The following PRC1 variants were observed in gnomAD, a reference collection of about 807,000 sequenced individuals.
PRC1 encodes the protein anaphase spindle elongation 1 homolog.
A neutral mutation model predicts 91.2 loss-of-function variants in PRC1; 54 were observed. The observed-to-expected ratio is 0.59, with a 90% CI of 0.48 to 0.74. PRC1 has a LOEUF of 0.74. Among genes scored for constraint, PRC1 ranks in the 30% least tolerant of loss-of-function variants. The pLI, the probability that PRC1 is intolerant of heterozygous loss-of-function variation, is 0.00. For synonymous variants in PRC1, 275 were observed against 263.6 expected (o/e 1.04, Z -0.42); for missense variants, 727 against 746.2 (o/e 0.97, Z 0.30).
chr15:90,974,872 G>C lies in PRC1; in HGVS notation c.1204-141C>G, dbSNP rs1396024943. 1 of 944,662 alleles carries C rather than the reference G, an allele frequency of 1.1e-6. No homozygotes were observed. The allele number at this position is 944,662 out of a possible 1,614,324, so 58.5% of individuals were successfully genotyped here. On this transcript the variant is annotated intron_variant, in intron 9 of 14. Coordinates refer to ENST00000394249, the MANE Select transcript of PRC1 (RefSeq NM_003981.4). The surrounding 1 kb of genome is among the most constrained non-coding windows in gnomAD (Gnocchi z 4.6). Reference sequence around the variant, plus strand: ...AGGTAGCTGGGCCCACATGGGTACAGGTCAGAGTGACCAGAAATCAAAGCC... The same window carrying C: ...AGGTAGCTGGGCCCACATGGGTACACGTCAGAGTGACCAGAAATCAAAGCC...
chr15:90,978,088 C>T lies in PRC1; in HGVS notation c.1107+1070G>A, dbSNP rs942642015. ...AGCTCTAACAGGGCCAGCATGAACCCGAGAACAAGGTCTCCTTCCATCTGT... is the reference window on the plus strand; with the variant it reads ...AGCTCTAACAGGGCCAGCATGAACCTGAGAACAAGGTCTCCTTCCATCTGT... On this transcript the variant is annotated intron_variant, in intron 8 of 14. Coordinates refer to ENST00000394249, the MANE Select transcript of PRC1 (RefSeq NM_003981.4). 2.5e-4 allele frequency among the ~76,000 whole-genome samples: 38 copies of T among 152,290 alleles called. 1 individual carries two copies. Among genetic ancestry groups the T allele is most frequent in the Non-Finnish European group, 5.0e-4 (34 of 68,018 alleles).
intron 9 of PRC1, among the ~76,000 whole-genome samples, chr15:90,975,193 C>A (rs968072415): frequency 2.0e-5 from 3 of 152,196 alleles, no homozygotes; most frequent in African/African-American, 7.2e-5. Flanking sequence ...GCAACCTCCA[C>A]CTCCCGGGTT....
chr15:90,981,645 T>C lies in PRC1; in HGVS notation c.526A>G (p.Ser176Gly). ...CACAGTATGATCTGTCTCTTTATAC[T>C]GACAAACTCCTCACGCCTAGAAGCC... is the stretch of plus-strand genomic sequence containing the variant. ...TKASRREEFV[S>G]IKRQIILCME... Residue 176 changes from serine to glycine, a missense_variant, in exon 5 of 15, where the codon AGT becomes GGT. Transcript: ENST00000394249. 1 of 1,614,038 alleles carries C rather than the reference T, an allele frequency of 6.2e-7. No individual in the cohort carries two copies. Among genetic ancestry groups the C allele is most frequent in the South Asian group, 1.1e-5 (1 of 91,078 alleles).
chr15:90,987,474 C>T (rs901765238), intron 1 of PRC1, among the ~76,000 whole-genome samples: 5 of 152,066 alleles, frequency 3.3e-5, no homozygotes, highest in Non-Finnish European at 2.9e-5. Context: ...TCTTCAATTA[C>T]CAAAAGCTTA....
At chr15:90,970,673 G>C (rs573414529) in intron 11 of PRC1, among the ~76,000 whole-genome samples, 159 bp from the exon 12 acceptor site, 1 of 152,336 alleles carries the variant, frequency 6.6e-6, no homozygotes, top group Non-Finnish European at 1.5e-5. Context: ...GCATAGATTT[G>C]AAGTAACTTG....
At position 90,966,898 on chromosome 15, in the gene PRC1, C is replaced by G; in HGVS notation, c.*233G>C. 1.8e-6 allele frequency: 1 copy of G among 564,410 alleles called. No individual in the cohort carries two copies. Among genetic ancestry groups the G allele is most frequent in the Non-Finnish European group, 3.2e-6 (1 of 315,708 alleles). The allele number at this position is 564,410 out of a possible 1,614,324, so 35.0% of individuals were successfully genotyped here. ...GCCCCATATGCTAAAATTTGCACTT[C>G]TTGCCATAAACTTTTCATGTATATA... On this transcript the variant is annotated 3_prime_UTR_variant, in exon 15 of 15. Transcript: ENST00000394249.
intron 8 of PRC1, 80 bp downstream of exon 8, chr15:90,979,078 C>G (rs2038976900): frequency 2.0e-6 from 3 of 1,473,234 alleles, no homozygotes; most frequent in Admixed American, 2.2e-5. Flanking sequence ...AAAAGCCTGG[C>G]AAAGAACAAA....
chr15:90,984,151 G>A lies in PRC1; in HGVS notation c.145-11C>T. 1 of 1,613,786 alleles carries A rather than the reference G, an allele frequency of 6.2e-7. No individual in the cohort carries two copies. Among genetic ancestry groups the A allele is most frequent in the Non-Finnish European group, 8.5e-7 (1 of 1,179,870 alleles). Reference sequence around the variant, plus strand: ...CATATCCAGGAGTTCCTACAAGAGGGAAAACAGTCCATAAGTTTGGGGCAA... The same window carrying A: ...CATATCCAGGAGTTCCTACAAGAGGAAAAACAGTCCATAAGTTTGGGGCAA... On this transcript the variant is annotated splice_polypyrimidine_tract_variant and intron_variant, in intron 2 of 14. Transcript: ENST00000394249. This position sits in a 1 kb window ranked among gnomAD's most constrained non-coding sequence, Gnocchi z 5.1.
In PRC1 at chr15:90,974,931, G is replaced by A. The variant is rs2038541815; in HGVS notation, c.1204-200C>T. On this transcript the variant is annotated intron_variant, in intron 9 of 14. Transcript: ENST00000394249. This position sits in a 1 kb window ranked among gnomAD's most constrained non-coding sequence, Gnocchi z 4.6. ...TTTCATTCACACAACACACAAGAGT[G>A]GAAAATGGCAAGAACCCAAAGTTTG... Among the ~76,000 whole-genome samples the A allele has an allele frequency of 6.6e-6, 1 of 152,154 alleles. No homozygotes were observed. Among genetic ancestry groups the A allele is most frequent in the Admixed American group, 6.6e-5 (1 of 15,264 alleles).
At position 90,974,705 on chromosome 15, in the gene PRC1, A is replaced by C; in HGVS notation, c.1230T>G (p.Ile410Met). ...PKLEEELKARIELWEQEHSKA... is the reference protein window; with the variant it reads ...PKLEEELKARMELWEQEHSKA... ...TTGAATGTTCCTGTTCCCACAATTC[A>C]ATTCGTGCCTTCAACTCTTCTTCCA... The change falls in exon 10 of 15, where the codon ATT (isoleucine) becomes ATG (methionine). Residue 410 changes from isoleucine (I) to methionine (M), a missense_variant. Coordinates refer to ENST00000394249, the MANE Select transcript of PRC1 (RefSeq NM_003981.4). This position sits in a 1 kb window ranked among gnomAD's most constrained non-coding sequence, Gnocchi z 4.6. 1.2e-6 allele frequency: 2 copies of C among 1,614,200 alleles called. No individual in the cohort carries two copies. The highest frequency in any genetic ancestry group is 1.7e-6 in the Non-Finnish European group (2 of 1,180,034).
chr15:90,983,106 G>A (rs2039332804), intron 3 of PRC1, among the ~76,000 whole-genome samples: 1 of 152,150 alleles, frequency 6.6e-6, no homozygotes, highest in Admixed American at 6.5e-5. Flanking sequence ...GAGAAACTAT[G>A]TCCAAAATCA....
chr15:90,974,572 C>G lies in PRC1; in HGVS notation c.1350+13G>C, dbSNP rs771516851. On this transcript the variant is annotated intron_variant, in intron 10 of 14. Transcript: ENST00000394249. The surrounding 1 kb of genome is among the most constrained non-coding windows in gnomAD (Gnocchi z 4.6). ...TTCGTCTTTTCCCAATTTGCGTTCA[C>G]GTTCACACTTACTCTTTCCTGCTTG... 6.2e-7 allele frequency: 1 copy of G among 1,614,084 alleles called. No homozygotes were observed. Among genetic ancestry groups the G allele is most frequent in the Admixed American group, 1.7e-5 (1 of 60,022 alleles).
At chr15:90,976,929 C>A (rs12595029) in intron 8 of PRC1, among the ~76,000 whole-genome samples, 158 bp from the exon 9 acceptor site, 1 of 151,858 alleles carries the variant, frequency 6.6e-6, no homozygotes, top group East Asian at 1.9e-4. Context: ...TCGACAGTTC[C>A]AGACCAACCT....
In PRC1 at chr15:90,984,766, TC is replaced by T. The variant is rs1463465300; in HGVS notation, c.70del (p.Glu24LysfsTer5). ...CLQKALNHLR[E>X]IWELIGIPED... The stretch of plus-strand genomic sequence containing the variant: ...TGGAATCCCAATTAGCTCCCATATT[TC>T]CCGAAGGTGATTTAGGGCTTTCTGC... On this transcript the variant is annotated frameshift_variant, in exon 2 of 15. Transcript: ENST00000394249. LOFTEE classifies it high-confidence loss of function. This position sits in a 1 kb window ranked among gnomAD's most constrained non-coding sequence, Gnocchi z 5.1. 12 of 1,614,088 alleles carry T rather than the reference TC, an allele frequency of 7.4e-6. No individual in the cohort carries two copies. The highest frequency in any genetic ancestry group is 1.0e-5 in the Non-Finnish European group (12 of 1,180,028).
At chr15:90,976,841 T>A in intron 8 of PRC1, 70 bp from the exon 9 acceptor site, 1 of 1,348,422 alleles carries the variant, frequency 7.4e-7, no homozygotes, top group Non-Finnish European at 1.1e-6. Flanking sequence ...GCTAAGATTC[T>A]TTGTTCTCGC....
chr15:90,976,083 G>GT (rs1292469843), intron 9 of PRC1, among the ~76,000 whole-genome samples: 3 of 151,968 alleles, frequency 2.0e-5, no homozygotes, highest in African/African-American at 4.8e-5. Flanking sequence ...GTAGTGTTTT[G>GT]TTTTTTTGTT....
At chr15:90,982,106 G>C in intron 3 of PRC1, 125 bp from the exon 4 acceptor site, 2 of 879,260 alleles carry the variant, frequency 2.3e-6, no homozygotes, top group Non-Finnish European at 3.6e-6. Flanking sequence ...TCAACTCATG[G>C]TCAACAGAAT....
intron 12 of PRC1, among the ~76,000 whole-genome samples, 177 bp downstream of exon 12, chr15:90,970,227 T>C (rs183384129): frequency 5.9e-5 from 9 of 152,268 alleles, no homozygotes; most frequent in African/African-American, 1.9e-4. Context: ...TTCTCTTTTT[T>C]TGCACGTTAG....
At chr15:90,969,184 G>C in intron 13 of PRC1, 64 bp from the exon 14 acceptor site, 2 of 1,527,454 alleles carry the variant, frequency 1.3e-6, no homozygotes, top group South Asian at 1.1e-5. Flanking sequence ...GACAGTGATA[G>C]AGGGGTTGCC....
Sources: gnomAD v4.1 joint callset for allele counts (sites outside exome capture counted in the v4.1 genomes callset) on GRCh38, gnomAD v4.1.1 for gene constraint, Gnocchi (gnomAD v3.1) non-coding constraint, MANE v1.5 for transcripts, NCBI Gene and HGNC (gene_info 2026-07-23, HGNC 2026-07-21) for gene names.